The following PDS5A variants were observed in gnomAD, a reference collection of about 807,000 sequenced individuals.
PDS5A encodes the protein sister chromatid cohesion protein PDS5 homolog A.
In PDS5A, 42 loss-of-function variants were observed where a neutral mutation model predicts 167.1. The observed-to-expected ratio is 0.25, with a 90% CI of 0.20 to 0.33. The LOEUF is 0.33. PDS5A is among the 10% of genes least tolerant of loss of function. PDS5A has a pLI of 1.00. For synonymous variants in PDS5A, 553 were observed against 554.6 expected, an observed-to-expected ratio of 1.00 and a Z score of 0.04; for missense variants, 1,033 against 1,605.9, an observed-to-expected ratio of 0.64 and a Z score of 6.10.
At chr4:39,930,247 G>GGTTTTTTT (rs1725914090) in intron 2 of PDS5A, among the ~76,000 whole-genome samples, 1 of 61,952 alleles carries the variant, frequency 1.6e-5, no homozygotes. Flanking sequence ...AAAAAAAAAA[G>GGTTTTTTT]TTTTTTTGTT....
chr4:39,939,610 A>G (rs1727028370), intron 2 of PDS5A, among the ~76,000 whole-genome samples: 1 of 152,186 alleles, frequency 6.6e-6, no homozygotes, highest in Non-Finnish European at 1.5e-5. Flanking sequence ...CCTGGCCAAC[A>G]TGCTGAAACC....
intron 2 of PDS5A, among the ~76,000 whole-genome samples, chr4:39,936,461 C>T (rs1237015840): frequency 2.0e-5 from 3 of 152,028 alleles, no homozygotes; most frequent in Non-Finnish European, 4.4e-5. Context: ...CTATTTGAGA[C>T]AGTTTCGCTG....
At chr4:39,938,813 T>G (rs1200462171) in intron 2 of PDS5A, among the ~76,000 whole-genome samples, 2 of 151,102 alleles carry the variant, frequency 1.3e-5, no homozygotes, top group African/African-American at 4.9e-5. Flanking sequence ...CTACTAAAAA[T>G]ACAAAAATTA....
intron 26 of PDS5A, among the ~76,000 whole-genome samples, chr4:39,855,895 A>G (rs1216941579): frequency 6.6e-6 from 1 of 152,228 alleles, no homozygotes; most frequent in Non-Finnish European, 1.5e-5. Flanking sequence ...ACGGAAAGAC[A>G]GAAAGTAGCA....
intron 2 of PDS5A, among the ~76,000 whole-genome samples, chr4:39,963,122 C>G (rs1280892383): frequency 6.6e-6 from 1 of 151,712 alleles, no homozygotes; most frequent in Non-Finnish European, 1.5e-5. Flanking sequence ...AGTTCAAAAC[C>G]AGCCTGGACC....
chr4:39,898,193 T>C (rs1032026955), intron 16 of PDS5A, 196 bp downstream of exon 16: 5 of 1,265,464 alleles, frequency 4.0e-6, no homozygotes, highest in Admixed American at 3.9e-5. Flanking sequence ...CTTAGTTCTT[T>C]AGTTATTTTC....
chr4:39,923,679 A>G (rs972080553), intron 5 of PDS5A, among the ~76,000 whole-genome samples: 1 of 151,730 alleles, frequency 6.6e-6, no homozygotes, highest in Non-Finnish European at 1.5e-5. Context: ...ACACGCATCC[A>G]CTTCAAGGAA....
chr4:39,838,924 CAGG>C (rs1716687948), intron 31 of PDS5A, among the ~76,000 whole-genome samples: 2 of 151,788 alleles, frequency 1.3e-5, no homozygotes, highest in South Asian at 4.2e-4. Flanking sequence ...GAGGCTGAGG[CAGG>C]AGAATAGCCG....
intron 2 of PDS5A, among the ~76,000 whole-genome samples, chr4:39,934,536 T>C (rs1165908986): frequency 1.3e-5 from 2 of 152,124 alleles, no homozygotes; most frequent in Non-Finnish European, 1.5e-5. Flanking sequence ...GGTAAGTCTG[T>C]GTGAATTTTT....
At chr4:39,837,594 G>C (rs1716545768) in intron 32 of PDS5A, 1 of 391,056 alleles carries the variant, frequency 2.6e-6, no homozygotes, top group South Asian at 5.4e-5. Context: ...AGAAATATTT[G>C]TCTTGTTAAT....
chr4:39,839,857 A>G (rs1313419565), intron 31 of PDS5A, among the ~76,000 whole-genome samples: 1 of 151,592 alleles, frequency 6.6e-6, no homozygotes, highest in Non-Finnish European at 1.5e-5. Context: ...GCACTTTGGG[A>G]GGCCAAGGTG....
chr4:39,923,673 G>A (rs1182309252), intron 5 of PDS5A, among the ~76,000 whole-genome samples: 28 of 58,574 alleles, frequency 4.8e-4, no homozygotes, highest in Non-Finnish European at 9.8e-4. Context: ...ACACACACAC[G>A]CATCCACTTC....
intron 31 of PDS5A, among the ~76,000 whole-genome samples, 152 bp from the exon 32 acceptor site, chr4:39,838,360 G>C (rs961442912): frequency 6.6e-6 from 1 of 152,244 alleles, no homozygotes; most frequent in African/African-American, 2.4e-5. Flanking sequence ...TAAGCTCCTT[G>C]AGGAGAGTGA....
intron 30 of PDS5A, among the ~76,000 whole-genome samples, chr4:39,843,415 G>A (rs548042350): frequency 6.6e-6 from 1 of 152,092 alleles, no homozygotes; most frequent in East Asian, 1.9e-4. Context: ...TTTTCCTAAG[G>A]GTTGAATTTT....
intron 18 of PDS5A, among the ~76,000 whole-genome samples, chr4:39,877,700 C>T (rs978973900): frequency 6.6e-6 from 1 of 151,922 alleles, no homozygotes; most frequent in Non-Finnish European, 1.5e-5. Context: ...AATGTCACAG[C>T]TCACTGGGGT....
intron 32 of PDS5A, among the ~76,000 whole-genome samples, chr4:39,831,389 G>T (rs554238646): frequency 6.6e-6 from 1 of 152,086 alleles, no homozygotes; most frequent in South Asian, 2.1e-4. Context: ...GTGAGCCACC[G>T]TGCCTGGCCA....
At chr4:39,933,539 T>C (rs1726286589) in intron 2 of PDS5A, 1 of 151,968 alleles carries the variant, frequency 6.6e-6, no homozygotes, top group Non-Finnish European at 1.5e-5. Flanking sequence ...GCACTTGATA[T>C]TGCACTAGAA....
chr4:39,964,924 C>T (rs2732084), intron 2 of PDS5A, among the ~76,000 whole-genome samples: 36,243 of 151,700 alleles, frequency 0.24, 4,827 homozygotes, highest in East Asian at 0.44. Context: ...GCCTGGGTGA[C>T]AGAAAGACTC....
intron 16 of PDS5A, among the ~76,000 whole-genome samples, chr4:39,894,613 A>G (rs1267223499): frequency 6.6e-6 from 1 of 152,126 alleles, no homozygotes. Flanking sequence ...AATAAAAGAT[A>G]CATGTTCTAT....
Sources: gnomAD v4.1 joint callset for allele counts (sites outside exome capture counted in the v4.1 genomes callset) on GRCh38, gnomAD v4.1.1 for gene constraint, MANE v1.5 for transcripts, NCBI Gene and HGNC (gene_info 2026-07-23, HGNC 2026-07-21) for gene names.